Variants in GLIS3 observed in about 807,000 individuals in gnomAD.
GLIS3 encodes the protein zinc finger protein GLIS3.
A neutral mutation model predicts 78.6 loss-of-function variants in GLIS3; 53 were observed. That is an observed-to-expected ratio of 0.67 (90% CI 0.54 to 0.85). The LOEUF (loss-of-function observed/expected upper bound fraction) is 0.85, where lower values mean the gene tolerates loss of function less well. Ranked by LOEUF, GLIS3 falls within the 40% of genes least tolerant of loss-of-function variation. The probability of loss-of-function intolerance (pLI) is 0.00; values close to 1 mark genes in which losing one functional copy is unlikely to be tolerated. For missense variants in GLIS3, 1,703 were observed against 1,231.1 expected (o/e 1.38, Z -5.74); for synonymous variants, 684 against 509.9 (o/e 1.34, Z -4.60).
intron 4 of GLIS3, among the ~76,000 whole-genome samples, chr9:4,069,581 T>A (rs1401586192): frequency 6.6e-6 from 1 of 152,200 alleles, no homozygotes; most frequent in African/African-American, 2.4e-5. Flanking sequence ...TACTAGCTTG[T>A]TGTTTTTTCC....
intron 2 of GLIS3, among the ~76,000 whole-genome samples, chr9:4,327,262 G>C (rs1047691614): frequency 6.6e-6 from 1 of 152,214 alleles, no homozygotes; most frequent in East Asian, 1.9e-4. Flanking sequence ...AGCAGAGGGA[G>C]GTGGGCATGG....
chr9:4,468,309 G>C, the GLIS3 span, among the ~76,000 whole-genome samples: 1 of 152,114 alleles, frequency 6.6e-6, no homozygotes, highest in South Asian at 2.1e-4. Context: ...TCCTTGAGAA[G>C]AGCAACTCCA....
chr9:4,066,037 T>TAAAAAAAA (rs375649097), intron 4 of GLIS3, among the ~76,000 whole-genome samples: 10 of 95,654 alleles, frequency 1.0e-4, no homozygotes, highest in South Asian at 3.6e-4. Context: ...ACCCAAAGAA[T>TAAAAAAAA]ATAAAAAAAA....
At chr9:4,281,436 C>T (rs1175661255) in intron 2 of GLIS3, among the ~76,000 whole-genome samples, 1 of 152,182 alleles carries the variant, frequency 6.6e-6, no homozygotes, top group Non-Finnish European at 1.5e-5. Context: ...ACACTAACTC[C>T]TCATGCCCCC....
chr9:4,100,965 C>T (rs1564050226), intron 4 of GLIS3, among the ~76,000 whole-genome samples: 1 of 152,046 alleles, frequency 6.6e-6, no homozygotes, highest in Non-Finnish European at 1.5e-5. Context: ...ATAGCCAGCC[C>T]TGGTGTGAAT....
intron 2 of GLIS3, among the ~76,000 whole-genome samples, chr9:4,272,745 C>G (rs868184578): frequency 9.2e-5 from 14 of 152,194 alleles, no homozygotes; most frequent in Non-Finnish European, 1.5e-4. Context: ...TGAGGCTAAT[C>G]CTTTCAAGTA....
intron 4 of GLIS3, among the ~76,000 whole-genome samples, chr9:4,000,199 A>C (rs1821035806): frequency 6.6e-6 from 1 of 152,234 alleles, no homozygotes; most frequent in African/African-American, 2.4e-5. Context: ...TAACTCTTGA[A>C]AACAATGCTG....
chr9:4,050,440 C>T (rs1026589892), intron 4 of GLIS3, among the ~76,000 whole-genome samples: 1 of 152,014 alleles, frequency 6.6e-6, no homozygotes, highest in Non-Finnish European at 1.5e-5. Flanking sequence ...CACACCAGGG[C>T]CTGTTGGTGG....
chr9:4,287,226 G>A (rs1043141866), intron 1 of GLIS3, among the ~76,000 whole-genome samples: 3 of 152,198 alleles, frequency 2.0e-5, no homozygotes, highest in Admixed American at 6.5e-5. Context: ...GAGAAGGGCT[G>A]TGCAAAACGC....
At chr9:4,444,874 C>G in the GLIS3 span, among the ~76,000 whole-genome samples, 1 of 152,218 alleles carries the variant, frequency 6.6e-6, no homozygotes, top group African/African-American at 2.4e-5. Flanking sequence ...AAGTGAAAAA[C>G]CTCCATAGGG....
At chr9:4,114,898 T>A (rs532680076) in intron 4 of GLIS3, among the ~76,000 whole-genome samples, 3 of 152,328 alleles carry the variant, frequency 2.0e-5, no homozygotes, top group Admixed American at 2.0e-4. Flanking sequence ...AAATAATAAA[T>A]TCACAGCCCT....
At chr9:4,108,569 C>G (rs1166551836) in intron 4 of GLIS3, among the ~76,000 whole-genome samples, 1 of 152,154 alleles carries the variant, frequency 6.6e-6, no homozygotes, top group Non-Finnish European at 1.5e-5. Context: ...ATTTGCTTTT[C>G]TGGGCAATTT....
intron 4 of GLIS3, among the ~76,000 whole-genome samples, chr9:4,031,162 T>C (rs774052472): frequency 2.6e-5 from 4 of 152,188 alleles, no homozygotes; most frequent in East Asian, 1.9e-4. Context: ...CCCAAAAGAA[T>C]TGAAAATGGT....
chr9:4,130,393 C>T (rs1586756523), intron 2 of GLIS3, among the ~76,000 whole-genome samples: 1 of 152,256 alleles, frequency 6.6e-6, no homozygotes, highest in African/African-American at 2.4e-5. Flanking sequence ...TCTGGCAGCA[C>T]CTCTCATCAC....
chr9:4,160,628 T>C (rs1564133686), intron 2 of GLIS3, among the ~76,000 whole-genome samples: 1 of 152,234 alleles, frequency 6.6e-6, no homozygotes. Context: ...TGTCTTATCA[T>C]GTGATTTTCT....
the GLIS3 span, among the ~76,000 whole-genome samples, chr9:4,376,181 G>A: frequency 2.6e-5 from 4 of 152,176 alleles, no homozygotes; most frequent in Non-Finnish European, 5.9e-5. Flanking sequence ...TGACTCTGGT[G>A]GAGAGATTGT....
intron 4 of GLIS3, among the ~76,000 whole-genome samples, chr9:4,074,808 C>A (rs994439657): frequency 6.6e-6 from 1 of 152,162 alleles, no homozygotes; most frequent in Non-Finnish European, 1.5e-5. Flanking sequence ...ATCTTGGTAA[C>A]GAGATCTTGC....
At chr9:4,014,517 A>C (rs1822284374) in intron 4 of GLIS3, among the ~76,000 whole-genome samples, 1 of 152,162 alleles carries the variant, frequency 6.6e-6, no homozygotes, top group Admixed American at 6.5e-5. Context: ...CCATGTGAAA[A>C]TGCAGGCAGA....
intron 4 of GLIS3, among the ~76,000 whole-genome samples, chr9:4,117,482 A>G (rs1162227821): frequency 6.6e-6 from 1 of 152,206 alleles, no homozygotes; most frequent in Non-Finnish European, 1.5e-5. Context: ...AAGGAAATTC[A>G]AAGTTGGTAC....
Sources: gnomAD v4.1 joint callset for allele counts (sites outside exome capture counted in the v4.1 genomes callset) on GRCh38, gnomAD v4.1.1 for gene constraint, MANE v1.5 for transcripts, NCBI Gene and HGNC (gene_info 2026-07-23, HGNC 2026-07-21) for gene names.